Variants in ATXN2 observed in about 807,000 individuals in gnomAD.
The protein encoded by ATXN2 is ataxin 2.
In ATXN2, 37 loss-of-function variants were observed where a neutral mutation model predicts 138.6. That is an observed-to-expected ratio of 0.27 (90% confidence interval 0.21 to 0.35). ATXN2 has a LOEUF of 0.35. ATXN2 is among the 10% of genes least tolerant of loss of function. ATXN2 has a pLI of 1.00. For synonymous variants in ATXN2, 549 were observed against 543.7 expected (o/e 1.01, Z -0.13); for missense variants, 1,216 against 1,480.3 (o/e 0.82, Z 2.93).
intron 5 of ATXN2, among the ~76,000 whole-genome samples, chr12:111,527,851 T>C (rs1359136805): frequency 6.6e-6 from 1 of 152,234 alleles, no homozygotes; most frequent in Non-Finnish European, 1.5e-5. Flanking sequence ...CTAACCTGAA[T>C]CACGTTCTTC....
intron 5 of ATXN2, among the ~76,000 whole-genome samples, chr12:111,526,508 GA>G (rs1165312018): frequency 6.6e-6 from 1 of 151,236 alleles, no homozygotes; most frequent in Admixed American, 6.6e-5. Flanking sequence ...AGGTTCAAGG[GA>G]ATCTCCTGCC....
chr12:111,459,698 C>G (rs1462311711), intron 21 of ATXN2, among the ~76,000 whole-genome samples: 1 of 151,624 alleles, frequency 6.6e-6, no homozygotes, highest in Non-Finnish European at 1.5e-5. Flanking sequence ...CCTCGGCCTC[C>G]CAAAGTGCTG....
intron 5 of ATXN2, among the ~76,000 whole-genome samples, chr12:111,528,547 ATCT>A (rs2135751461): frequency 6.6e-6 from 1 of 152,322 alleles, no homozygotes; most frequent in African/African-American, 2.4e-5. Flanking sequence ...TTAATCTTAA[ATCT>A]TCTGTTTACA....
chr12:111,533,074 GATCTTGAAAAGC>G (rs1880933391), intron 5 of ATXN2, among the ~76,000 whole-genome samples: 1 of 152,188 alleles, frequency 6.6e-6, no homozygotes, highest in African/African-American at 2.4e-5. Context: ...GGTCAGAGTA[GATCTTGAAAAGC>G]ATTCTGGAAG....
intron 1 of ATXN2, among the ~76,000 whole-genome samples, chr12:111,568,464 G>C (rs1424391487): frequency 6.6e-6 from 1 of 152,092 alleles, no homozygotes; most frequent in Non-Finnish European, 1.5e-5. Flanking sequence ...CTGGGTAACA[G>C]ATTTTTTTAT....
intron 18 of ATXN2, among the ~76,000 whole-genome samples, chr12:111,473,125 T>G (rs1042731121): frequency 6.6e-6 from 1 of 151,574 alleles, no homozygotes; most frequent in Non-Finnish European, 1.5e-5. Flanking sequence ...ATACAAAAAT[T>G]AAGCCAGGCA....
At chr12:111,563,773 T>C (rs973689776) in intron 1 of ATXN2, among the ~76,000 whole-genome samples, 3 of 152,230 alleles carry the variant, frequency 2.0e-5, no homozygotes, top group African/African-American at 7.2e-5. Context: ...CTCTATTTAA[T>C]GCATTGTCCA....
At chr12:111,501,550 G>T (rs1278157647) in intron 14 of ATXN2, among the ~76,000 whole-genome samples, 1 of 152,154 alleles carries the variant, frequency 6.6e-6, no homozygotes, top group Non-Finnish European at 1.5e-5. Context: ...AAGGCTCTTG[G>T]TGTCATGGCA....
At chr12:111,457,470 C>T in intron 21 of ATXN2, 111 bp from the exon 22 acceptor site, 1 of 1,217,278 alleles carries the variant, frequency 8.2e-7, no homozygotes, top group Non-Finnish European at 1.1e-6. Context: ...ATAACTCACG[C>T]CACTACCAAT....
At chr12:111,593,968 TG>T (rs1341230805) in intron 1 of ATXN2, among the ~76,000 whole-genome samples, 2 of 152,202 alleles carry the variant, frequency 1.3e-5, no homozygotes, top group Non-Finnish European at 2.9e-5. Flanking sequence ...TTCAAATCTT[TG>T]CTCAAATGTT....
Position 111,480,937 on chromosome 12 carries a change from A to G in ATXN2, c.2524+4328T>C, listed in dbSNP as rs1877183975. ...TATGACATCAGGAGCAACAGCAACA[A>G]AAGAAAAAACAAACAGATAAATTGA... On this transcript the variant is annotated intron_variant, in intron 18 of 24. Coordinates refer to ENST00000673436, the MANE Select transcript of ATXN2 (RefSeq NM_001372574.1). Among the ~76,000 whole-genome samples, 4 of 152,202 alleles carry G rather than the reference A, an allele frequency of 2.6e-5. No individual in the cohort carries two copies. The South Asian group carries it at 8.3e-4, about 31-fold the overall frequency.
At chr12:111,470,934 G>A in intron 18 of ATXN2, 192 bp from the exon 19 acceptor site, 2 of 600,022 alleles carry the variant, frequency 3.3e-6, no homozygotes, top group Non-Finnish European at 5.8e-6. Context: ...TCAAACACCA[G>A]TTCCCAAATC....
At chr12:111,506,224 T>C (rs1042381378) in intron 14 of ATXN2, among the ~76,000 whole-genome samples, 2 of 152,082 alleles carry the variant, frequency 1.3e-5, no homozygotes, top group African/African-American at 4.8e-5. Context: ...TGGAGGCAAA[T>C]GTGGAACGAC....
At chr12:111,463,247 A>G (rs1875728880) in intron 21 of ATXN2, among the ~76,000 whole-genome samples, 1 of 152,190 alleles carries the variant, frequency 6.6e-6, no homozygotes, top group South Asian at 2.1e-4. Flanking sequence ...ATTTCTACAA[A>G]TATTAGTACT....
At chr12:111,537,147 CA>C (rs1264044116) in intron 5 of ATXN2, among the ~76,000 whole-genome samples, 1 of 151,950 alleles carries the variant, frequency 6.6e-6, no homozygotes, top group African/African-American at 2.4e-5. Context: ...AAGGTGGAAA[CA>C]ATGAAAATGT....
At chr12:111,547,836 ATT>A (rs34988312) in intron 5 of ATXN2, among the ~76,000 whole-genome samples, 32 of 100,208 alleles carry the variant, frequency 3.2e-4, no homozygotes, top group Non-Finnish European at 4.5e-4. Flanking sequence ...TTGCTTGAGA[ATT>A]TTTTTTTTTT....
Position 111,599,181 on chromosome 12 carries a change from C to A in ATXN2, c.-147G>T, listed in dbSNP as rs1344546410. ...GCGGCCGGAGGGGCGCCCGGGCTGG[C>A]GAGGGGGAGAAGGAGGACGACGAAG... On this transcript the variant is annotated 5_prime_UTR_variant, in exon 1 of 25. Coordinates refer to ENST00000673436, the MANE Select transcript of ATXN2 (RefSeq NM_001372574.1). The A allele has an allele frequency of 8.3e-7, 1 of 1,202,318 alleles. No homozygotes were observed. Among genetic ancestry groups the A allele is most frequent in the Non-Finnish European group, 1.0e-6 (1 of 970,288 alleles). 74.5% of individuals were successfully genotyped at this position (1,202,318 alleles called of 1,614,324 possible). A position where few individuals can be genotyped will look rare whatever the true frequency, so the allele number is the denominator to read the frequency against.
intron 1 of ATXN2, among the ~76,000 whole-genome samples, chr12:111,586,491 T>C (rs1484209411): frequency 2.0e-5 from 3 of 148,722 alleles, no homozygotes. Flanking sequence ...GTTCAAGCAA[T>C]TCTCCTGCCT....
rs1049842391 is a variant in ATXN2 at position 111,480,024 on chromosome 12, C to CA, written c.2524+5240dup. Among the ~76,000 whole-genome samples the CA allele has an allele frequency of 4.0e-3, 390 of 96,452 alleles. 4 individuals carry two copies. The highest frequency in any genetic ancestry group is 7.0e-3 in the South Asian group (21 of 3,004). The allele number at this position is 96,452 out of a possible 152,430, so 63.3% of individuals were successfully genotyped here. On this transcript the variant is annotated intron_variant, in intron 18 of 24. Transcript: ENST00000673436. ...AAAAAAAGAAAAAAAAAAACCTAAT[C>CA]AAAAAAAAAAAAAGAAAAAGAAATC...
Sources: allele counts gnomAD v4.1 joint callset (sites outside exome capture counted in the v4.1 genomes callset), GRCh38; gene constraint gnomAD v4.1.1; transcripts MANE v1.5; gene names NCBI Gene and HGNC (gene_info 2026-07-23, HGNC 2026-07-21).